COL5A2: variants seen among roughly 807,000 people sequenced by gnomAD.
COL5A2 encodes collagen alpha-2(V) chain.
COL5A2 carries 23 observed loss-of-function variants against 208.2 expected under a neutral mutation model. The observed-to-expected ratio is 0.11, with a 90% CI of 0.08 to 0.16. COL5A2 has a LOEUF of 0.16. COL5A2 is among the 10% of genes least tolerant of loss of function. The pLI is 1.00. For missense variants in COL5A2, 1,590 were observed against 1,956.4 expected (o/e 0.81, Z 3.53); for synonymous variants, 625 against 628.5 (o/e 0.99, Z 0.08).
chr2:189,056,985 A>G lies in COL5A2; in HGVS notation c.2379T>C (p.Asn793=). ...GEKGAEGTAG[N]DGARGLPGPL... is the part of the protein sequence containing the mutation. Reference sequence around the variant, plus strand: ...TACTTTCACTTACTCTTGCACCATCATTTCCAGCTGTGCCTTCAGCACCTT... The same window carrying G: ...TACTTTCACTTACTCTTGCACCATCGTTTCCAGCTGTGCCTTCAGCACCTT... The change falls in exon 35 of 54, where the codon AAT becomes AAC. Residue 793 remains asparagine (N), a synonymous_variant. Coordinates refer to ENST00000374866, the MANE Select transcript of COL5A2 (RefSeq NM_000393.5). 1.2e-6 allele frequency: 2 copies of G among 1,614,026 alleles called. No individual in the cohort carries two copies. Among genetic ancestry groups the G allele is most frequent in the South Asian group, 2.2e-5 (2 of 91,076 alleles).
intron 45 of COL5A2, among the ~76,000 whole-genome samples, chr2:189,046,816 A>G (rs992439196): frequency 3.5e-4 from 48 of 137,390 alleles, no homozygotes; most frequent in African/African-American, 1.2e-3. Context: ...CAAGGTTTTG[A>G]AAAAAAAAAA....
the COL5A2 span, among the ~76,000 whole-genome samples, chr2:189,279,160 G>A: frequency 6.6e-6 from 1 of 151,756 alleles, no homozygotes; most frequent in South Asian, 2.1e-4. Context: ...GAAGAAAGAT[G>A]AGAAGGAAAG....
intron 6 of COL5A2, chr2:189,094,947 ATG>A (rs1292624632): frequency 6.6e-6 from 1 of 151,852 alleles, no homozygotes; most frequent in Non-Finnish European, 1.5e-5. Context: ...GGATTTGGCA[ATG>A]TCAAGAAACA....
chr2:189,225,290 T>C (rs971092160), exon 1 of COL5A2, among the ~76,000 whole-genome samples: 3 of 152,090 alleles, frequency 2.0e-5, no homozygotes, highest in Non-Finnish European at 2.9e-5. Flanking sequence ...GAGTGGCAGG[T>C]GGCCAGAGTT....
chr2:189,254,516 C>T, the COL5A2 span, among the ~76,000 whole-genome samples: 2 of 152,204 alleles, frequency 1.3e-5, no homozygotes, highest in East Asian at 3.8e-4. Flanking sequence ...TCCAGATTTC[C>T]AAGTCTAGGA....
the COL5A2 span, among the ~76,000 whole-genome samples, chr2:189,405,012 T>G: frequency 2.6e-5 from 4 of 152,132 alleles, no homozygotes; most frequent in Non-Finnish European, 4.4e-5. Context: ...TTTCCTCACC[T>G]ACAAAATGAT....
In COL5A2 at chr2:189,213,933, A is replaced by G. The variant is rs570609388; in HGVS notation, c.-42+11215T>C. Among the ~76,000 whole-genome samples the G allele has an allele frequency of 4.6e-5, 7 of 152,282 alleles. 1 individual carries two copies. The South Asian group carries it at 1.5e-3, about 32-fold the overall frequency. On this transcript the variant is annotated intron_variant, in intron 1 of 10. Coordinates refer to the COL5A2 transcript ENST00000649966. ...GTATAGTGACAAGGCTATTTGCCTT[A>G]TTATATTTCATATACACATATACAT...
intron 53 of COL5A2, 44 bp from the exon 54 acceptor site, chr2:189,034,260 T>C: frequency 6.2e-7 from 1 of 1,610,910 alleles, no homozygotes; most frequent in Non-Finnish European, 8.5e-7. Context: ...ATACAATTTT[T>C]TCCAAGTATG....
intron 40 of COL5A2, 134 bp downstream of exon 40, chr2:189,052,615 G>A (rs1383212956): frequency 3.2e-6 from 3 of 925,998 alleles, no homozygotes; most frequent in South Asian, 1.4e-5. Flanking sequence ...AGTGCCCTTT[G>A]CACTATAGTA....
chr2:189,258,890 G>C, the COL5A2 span, among the ~76,000 whole-genome samples: 2 of 152,082 alleles, frequency 1.3e-5, no homozygotes, highest in African/African-American at 4.8e-5. Context: ...AGGAGAAACA[G>C]GTGTCAACCT....
chr2:189,411,318 G>A, the COL5A2 span, among the ~76,000 whole-genome samples: 1 of 152,014 alleles, frequency 6.6e-6, no homozygotes, highest in Admixed American at 6.6e-5. Flanking sequence ...TTAAACCTAA[G>A]TTACAACGAA....
At chr2:189,235,897 G>A in the COL5A2 span, among the ~76,000 whole-genome samples, 1 of 151,356 alleles carries the variant, frequency 6.6e-6, no homozygotes, top group Admixed American at 6.6e-5. Flanking sequence ...GTGCCCAAAT[G>A]GTTTGTAGAA....
Position 189,042,632 on chromosome 2 carries a change from T to C in COL5A2, c.3525+88A>G, listed in dbSNP as rs143987741. 60 of 1,295,530 alleles carry C rather than the reference T, an allele frequency of 4.6e-5. No homozygotes were observed. In the Middle Eastern group the frequency reaches 9.2e-4, roughly 20 times the overall value. 80.3% of individuals were successfully genotyped at this position (1,295,530 alleles called of 1,614,324 possible). A position where few individuals can be genotyped will look rare whatever the true frequency, so the allele number is the denominator to read the frequency against. On this transcript the variant is annotated intron_variant, in intron 49 of 53. Transcript: ENST00000374866. ...GAAGATGAGCCAACTCCAGCTTCAA[T>C]ACCAGGAAAACGATACTCAAGCATT... is the stretch of plus-strand genomic sequence containing the variant.
chr2:189,097,245 G>A (rs776896108), intron 6 of COL5A2, 32 bp downstream of exon 6: 13 of 1,609,584 alleles, frequency 8.1e-6, no homozygotes, highest in African/African-American at 2.7e-5. Context: ...CTGGCTGTAC[G>A]TTCCCCACAA....
intron 1 of COL5A2, among the ~76,000 whole-genome samples, chr2:189,117,670 A>C (rs2105728663): frequency 6.6e-6 from 1 of 152,218 alleles, no homozygotes; most frequent in East Asian, 1.9e-4. Context: ...ACCTTACCAA[A>C]AAAATTGCAC....
At position 189,136,711 on chromosome 2, in the gene COL5A2, T is replaced by C. The variant is rs189553406; in HGVS notation, c.98-26262A>G. On this transcript the variant is annotated intron_variant, in intron 1 of 53. Coordinates refer to ENST00000374866, the MANE Select transcript of COL5A2 (RefSeq NM_000393.5). ...TACTTTTTAATGTTATATTTTATAA[T>C]AGTTATTATATTTTATCTTACATTT... 9.2e-4 allele frequency among the ~76,000 whole-genome samples: 139 copies of C among 151,798 alleles called. No individual in the cohort carries two copies. In the South Asian group the frequency reaches 0.012, roughly 13 times the overall value.
At chr2:189,176,475 C>T (rs1174585375) in intron 1 of COL5A2, among the ~76,000 whole-genome samples, 2 of 152,140 alleles carry the variant, frequency 1.3e-5, no homozygotes, top group South Asian at 2.1e-4. Flanking sequence ...TACATTTCTG[C>T]ACCTTCCCTT....
intron 3 of COL5A2, among the ~76,000 whole-genome samples, chr2:189,102,440 C>T (rs559080759): frequency 6.6e-6 from 1 of 152,050 alleles, no homozygotes; most frequent in South Asian, 2.1e-4. Flanking sequence ...TGGATATAAG[C>T]CACAAATGTA....
At chr2:189,199,093 C>T (rs1689041049) in intron 1 of COL5A2, among the ~76,000 whole-genome samples, 1 of 152,020 alleles carries the variant, frequency 6.6e-6, no homozygotes, top group Non-Finnish European at 1.5e-5. Context: ...TGTTTATCAC[C>T]TCAGTAGACT....
Sources: gnomAD v4.1 joint callset for allele counts (sites outside exome capture counted in the v4.1 genomes callset) on GRCh38, gnomAD v4.1.1 for gene constraint, MANE v1.5 for transcripts, NCBI Gene and HGNC (gene_info 2026-07-23, HGNC 2026-07-21) for gene names.